The following DPP6 variants were observed in gnomAD, a reference collection of about 807,000 sequenced individuals.
The protein encoded by DPP6 is A-type potassium channel modulatory protein DPP6.
A neutral mutation model predicts 122.6 loss-of-function variants in DPP6; 69 were observed. That is an observed-to-expected ratio of 0.56 (90% confidence interval 0.46 to 0.69). DPP6 has a LOEUF of 0.69. Ranked by LOEUF, DPP6 falls within the 30% of genes least tolerant of loss-of-function variation. DPP6 has a pLI of 0.00. For synonymous variants in DPP6, 418 were observed against 433.1 expected, an observed-to-expected ratio of 0.97 and a Z score of 0.43; for missense variants, 928 against 1,116.9, an observed-to-expected ratio of 0.83 and a Z score of 2.41.
intron 1 of DPP6, among the ~76,000 whole-genome samples, chr7:154,101,281 C>T (rs1303673937): frequency 1.5e-5 from 2 of 133,982 alleles, no homozygotes; most frequent in African/African-American, 5.0e-5. Flanking sequence ...TGAAAGACCT[C>T]GAAGAGAACA....
intron 1 of DPP6, among the ~76,000 whole-genome samples, chr7:154,066,060 CTT>C (rs539320144): frequency 1.5e-5 from 2 of 133,316 alleles, no homozygotes; most frequent in African/African-American, 2.8e-5. Context: ...TTTTTTTTTA[CTT>C]TTTTTTTTTT....
intron 1 of DPP6, among the ~76,000 whole-genome samples, chr7:153,948,542 TTAGAAA>T (rs1483525789): frequency 6.6e-6 from 1 of 151,894 alleles, no homozygotes; most frequent in Non-Finnish European, 1.5e-5. Flanking sequence ...ACCAAAACAC[TTAGAAA>T]TAGGAATGTT....
the DPP6 span, among the ~76,000 whole-genome samples, chr7:153,786,224 A>G: frequency 1.7e-3 from 250 of 147,888 alleles, no homozygotes; most frequent in Admixed American, 3.7e-3. Flanking sequence ...TTATATTTCA[A>G]TCTGCTTATA....
intron 1 of DPP6, among the ~76,000 whole-genome samples, chr7:154,280,983 T>TTTTA (rs146635527): frequency 0.21 from 30,236 of 142,688 alleles, 3,415 homozygotes; most frequent in East Asian, 0.28. Flanking sequence ...TTATTTCTTA[T>TTTTA]TTTATTTATT....
At chr7:154,160,122 A>G (rs1181742272) in intron 1 of DPP6, among the ~76,000 whole-genome samples, 3 of 151,612 alleles carry the variant, frequency 2.0e-5, no homozygotes, top group African/African-American at 4.9e-5. Flanking sequence ...AAATAAAAAT[A>G]AAAATAAAAT....
chr7:154,870,953 A>T (rs564665396), intron 18 of DPP6, among the ~76,000 whole-genome samples: 1 of 114,298 alleles, frequency 8.7e-6, no homozygotes, highest in Non-Finnish European at 1.7e-5. Flanking sequence ...ACAGAATGAG[A>T]CTCCATCTCA....
chr7:154,418,009 G>T (rs1187552389), intron 1 of DPP6, among the ~76,000 whole-genome samples: 1 of 152,154 alleles, frequency 6.6e-6, no homozygotes, highest in Non-Finnish European at 1.5e-5. Flanking sequence ...ATTACCACCT[G>T]CTCATAGCCT....
At chr7:153,777,628 G>A in the DPP6 span, among the ~76,000 whole-genome samples, 1 of 108,346 alleles carries the variant, frequency 9.2e-6, no homozygotes, top group African/African-American at 4.5e-5. Context: ...CGTCAAAGAA[G>A]CCAAAACTCA....
rs191637792 is a variant in DPP6, at chr7:154,063,289, G to A, written c.243+10226G>A. Among the ~76,000 whole-genome samples, 4 of 84,854 alleles carry A rather than the reference G, an allele frequency of 4.7e-5. 1 individual carries two copies. The highest frequency in any genetic ancestry group is 9.5e-5 in the Non-Finnish European group (4 of 42,052). The allele number at this position is 84,854 out of a possible 152,430, so 55.7% of individuals were successfully genotyped here. On this transcript the variant is annotated intron_variant, in intron 1 of 25. Transcript: ENST00000377770. The stretch of plus-strand genomic sequence containing the variant: ...GGACCCCCATCGCAGAGGGGGGAGG[G>A]ACCCCCCATGAGGCGGGGACTGAGA...
intron 3 of DPP6, among the ~76,000 whole-genome samples, chr7:154,528,831 C>T: frequency 6.6e-6 from 1 of 152,102 alleles, no homozygotes; most frequent in East Asian, 1.9e-4. Flanking sequence ...GAAGATCTTA[C>T]CCGGCCATAG....
At chr7:153,816,132 GATAA>G in the DPP6 span, among the ~76,000 whole-genome samples, 29 of 151,650 alleles carry the variant, frequency 1.9e-4, no homozygotes, top group African/African-American at 2.7e-4. Flanking sequence ...AGAAAATGGA[GATAA>G]ATAATTATTA....
chr7:153,773,264 C>CGTGTGTGTGTGTGTGTGTGT, the DPP6 span, among the ~76,000 whole-genome samples: 2,778 of 132,322 alleles, frequency 0.021, 83 homozygotes, highest in Middle Eastern at 0.048. Flanking sequence ...TCTTTTCTTT[C>CGTGTGTGTGTGTGTGTGTGT]GTGTGTGTGT....
At chr7:154,240,913 C>CA (rs1801551351) in intron 1 of DPP6, among the ~76,000 whole-genome samples, 1 of 152,128 alleles carries the variant, frequency 6.6e-6, no homozygotes, top group African/African-American at 2.4e-5. Flanking sequence ...TCCACCTTGA[C>CA]ATGATATCAT....
chr7:153,936,078 G>A (rs1801424986), intron 1 of DPP6, among the ~76,000 whole-genome samples: 1 of 152,198 alleles, frequency 6.6e-6, no homozygotes, highest in Non-Finnish European at 1.5e-5. Flanking sequence ...CCTTAAGGGG[G>A]AATGTAAAGC....
chr7:154,314,546 C>A (rs769876759), intron 1 of DPP6, among the ~76,000 whole-genome samples: 11 of 152,200 alleles, frequency 7.2e-5, no homozygotes, highest in Non-Finnish European at 1.5e-4. Flanking sequence ...CCAAGATTGG[C>A]ATGTGAAGGT....
intron 1 of DPP6, among the ~76,000 whole-genome samples, chr7:154,064,504 T>C (rs1476744189): frequency 6.6e-6 from 1 of 152,160 alleles, no homozygotes; most frequent in Non-Finnish European, 1.5e-5. Flanking sequence ...AGGCTCAAAT[T>C]GTATAGCAAA....
rs1167104080 is a variant in DPP6, at chr7:154,016,318, A to G, written c.51+128584A>G. ...AGGACATTGTCTATTGTTTTTTGCTATATCTGCAATGTGCTTGGTAGTTAG... is the reference window on the plus strand; with the variant it reads ...AGGACATTGTCTATTGTTTTTTGCTGTATCTGCAATGTGCTTGGTAGTTAG... On this transcript the variant is annotated intron_variant, in intron 1 of 25. Transcript: ENST00000404039. 2.0e-5 allele frequency among the ~76,000 whole-genome samples: 3 copies of G among 148,076 alleles called. 1 individual carries two copies. The highest frequency in any genetic ancestry group is 4.4e-4 in the South Asian group (2 of 4,532).
At chr7:154,454,400 G>A (rs1820648168) in intron 2 of DPP6, among the ~76,000 whole-genome samples, 1 of 152,194 alleles carries the variant, frequency 6.6e-6, no homozygotes, top group Non-Finnish European at 1.5e-5. Flanking sequence ...ATAAATAGAG[G>A]CTGCAGATGA....
intron 1 of DPP6, among the ~76,000 whole-genome samples, chr7:154,194,301 A>C (rs2150771764): frequency 6.6e-6 from 1 of 152,370 alleles, no homozygotes; most frequent in South Asian, 2.1e-4. Flanking sequence ...GGGGTGAAAT[A>C]GAAGGGAATT....
Sources: allele counts gnomAD v4.1 joint callset (sites outside exome capture counted in the v4.1 genomes callset), GRCh38; gene constraint gnomAD v4.1.1; transcripts MANE v1.5; gene names NCBI Gene and HGNC (gene_info 2026-07-23, HGNC 2026-07-21).